Variants in RRP12 observed in about 807,000 individuals in gnomAD.
RRP12 encodes RRP12-like protein.
In RRP12, 78 loss-of-function variants were observed where a neutral mutation model predicts 157.3. That is an observed-to-expected ratio of 0.50 (90% CI 0.41 to 0.60). The LOEUF is 0.60. Ranked by LOEUF, RRP12 falls within the 20% of genes least tolerant of loss-of-function variation. The pLI, the probability that RRP12 is intolerant of heterozygous loss-of-function variation, is 0.00. For missense variants in RRP12, 1,521 were observed against 1,679.9 expected (o/e 0.91, Z 1.65); for synonymous variants, 726 against 670.9 (o/e 1.08, Z -1.27).
At chr10:97,378,233 G>A (rs139339964) in intron 15 of RRP12, among the ~76,000 whole-genome samples, 2 of 152,286 alleles carry the variant, frequency 1.3e-5, no homozygotes, top group East Asian at 3.9e-4. Flanking sequence ...GTCATGCATC[G>A]CTTGACAGGG....
chr10:97,400,973 T>C, intron 1 of RRP12, 120 bp downstream of exon 1: 1 of 1,258,470 alleles, frequency 7.9e-7, no homozygotes, highest in South Asian at 1.5e-5. Flanking sequence ...AGATCCGACA[T>C]CCTAAGAGAC....
At chr10:97,379,485 G>T (rs1275119813) in intron 14 of RRP12, 71 bp from the exon 15 acceptor site, 4 of 1,602,938 alleles carry the variant, frequency 2.5e-6, no homozygotes, top group Non-Finnish European at 3.4e-6. Flanking sequence ...AGCATACTGA[G>T]CCCAGGACAG....
chr10:97,379,788 G>A lies in RRP12; in HGVS notation c.1534-18C>T. 6.3e-7 allele frequency: 1 copy of A among 1,591,988 alleles called. No individual in the cohort carries two copies. Among genetic ancestry groups the A allele is most frequent in the South Asian group, 1.1e-5 (1 of 88,510 alleles). On this transcript the variant is annotated intron_variant, in intron 13 of 33. Transcript: ENST00000370992. ...TGGAGGCACTGCAGCAGAGATGAGT[G>A]ACCACACATCAAGACATGCTCGAAA...
At chr10:97,362,365 C>G (rs540342152) in intron 30 of RRP12, among the ~76,000 whole-genome samples, 1 of 152,070 alleles carries the variant, frequency 6.6e-6, no homozygotes, top group Admixed American at 6.6e-5. Flanking sequence ...CTTAAGGAAC[C>G]CAGGAGGCTT....
Position 97,385,256 on chromosome 10 carries a change from GCCT to G in RRP12, c.1117-2_1117del. ...CTCACTGGGAACATAGTCGTACAGG[GCCT>G]AAAAGTGGGAATAAGCAGGTGACTG... On this transcript the variant is annotated splice_acceptor_variant and coding_sequence_variant, in exon 10 of 34. Coordinates refer to ENST00000370992, the MANE Select transcript of RRP12 (RefSeq NM_015179.4). LOFTEE classifies it high-confidence loss of function. The G allele has an allele frequency of 6.2e-7, 1 of 1,612,994 alleles. No individual in the cohort carries two copies. The highest frequency in any genetic ancestry group is 8.5e-7 in the Non-Finnish European group (1 of 1,179,054).
intron 29 of RRP12, among the ~76,000 whole-genome samples, chr10:97,364,484 C>G (rs747884869): frequency 3.3e-5 from 5 of 152,126 alleles, no homozygotes; most frequent in African/African-American, 1.2e-4. Context: ...TCTGGGAGGC[C>G]GAGGAGGGAG....
chr10:97,393,494 T>G, intron 4 of RRP12, 190 bp downstream of exon 4: 1 of 688,226 alleles, frequency 1.5e-6, no homozygotes, highest in Non-Finnish European at 2.7e-6. Context: ...CAGCCTAGTT[T>G]AGTTAGAGTT....
At chr10:97,361,472 C>T (rs1230599006) in intron 30 of RRP12, among the ~76,000 whole-genome samples, 1 of 152,202 alleles carries the variant, frequency 6.6e-6, no homozygotes, top group Non-Finnish European at 1.5e-5. Context: ...CTAGAAACTG[C>T]AGATTCCCAG....
intron 9 of RRP12, among the ~76,000 whole-genome samples, 199 bp from the exon 10 acceptor site, chr10:97,385,456 A>G: frequency 6.6e-6 from 1 of 151,902 alleles, no homozygotes; most frequent in Non-Finnish European, 1.5e-5. Flanking sequence ...TTGGGAGAAC[A>G]GCCTCTAGGA....
rs1447318377 is a variant in RRP12 at position 97,373,058 on chromosome 10, G to A, written c.2169C>T (p.Ile723=). ...TTCCGTGGCTCACCTGAGTGTCAGTGATGGTGAGGTAAGTTCTGATGGTTT... is the reference window on the plus strand; with the variant it reads ...TTCCGTGGCTCACCTGAGTGTCAGTAATGGTGAGGTAAGTTCTGATGGTTT... ...VLETIRTYLT[I]TDTQLVNSLL... is the part of the protein sequence containing the mutation. Residue 723 remains isoleucine, a synonymous_variant, in exon 18 of 34, where the codon ATC becomes ATT. Coordinates refer to ENST00000370992, the MANE Select transcript of RRP12 (RefSeq NM_015179.4). 6.2e-7 allele frequency: 1 copy of A among 1,612,626 alleles called. No homozygotes were observed. The highest frequency in any genetic ancestry group is 1.3e-5 in the African/African-American group (1 of 75,038).
chr10:97,380,960 GC>G, intron 12 of RRP12, 47 bp from the exon 13 acceptor site: 6 of 1,456,782 alleles, frequency 4.1e-6, no homozygotes, highest in Non-Finnish European at 2.9e-6. Context: ...ACCACCCTGT[GC>G]CCCCCACCAG....
chr10:97,385,580 CT>C (rs1844608844), intron 9 of RRP12, among the ~76,000 whole-genome samples: 1 of 152,136 alleles, frequency 6.6e-6, no homozygotes, highest in Non-Finnish European at 1.5e-5. Context: ...CTGATCCCCC[CT>C]CCCAATATCC....
At chr10:97,388,218 T>C (rs869967) in intron 8 of RRP12, 34 bp downstream of exon 8, 543,879 of 1,611,552 alleles carry the variant, frequency 0.34, 93,831 homozygotes, top group African/African-American at 0.51. Flanking sequence ...CCACTGCAGG[T>C]CCCCCTTTCT....
chr10:97,393,833 C>G, intron 3 of RRP12, 73 bp from the exon 4 acceptor site: 1 of 1,249,886 alleles, frequency 8.0e-7, no homozygotes. Flanking sequence ...AGTGGGGGAA[C>G]ATGTGCCCAG....
chr10:97,385,384 C>G (rs1373797176), intron 9 of RRP12, 127 bp from the exon 10 acceptor site: 1 of 724,728 alleles, frequency 1.4e-6, no homozygotes, highest in Non-Finnish European at 2.3e-6. Flanking sequence ...CACTCACAGC[C>G]CCCTTGGCTT....
At chr10:97,397,014 C>T (rs1479448032) in intron 2 of RRP12, among the ~76,000 whole-genome samples, 1 of 152,170 alleles carries the variant, frequency 6.6e-6, no homozygotes, top group Non-Finnish European at 1.5e-5. Flanking sequence ...ATCTGCCCTC[C>T]TTAGCCTCCC....
intron 13 of RRP12, among the ~76,000 whole-genome samples, chr10:97,380,420 G>A (rs7074511): frequency 0.38 from 58,090 of 152,048 alleles, 11,572 homozygotes; most frequent in African/African-American, 0.5. Flanking sequence ...GGTTAACCCT[G>A]GACTGGAGGA....
chr10:97,392,053 G>A (rs572297463), intron 4 of RRP12, among the ~76,000 whole-genome samples: 1 of 151,436 alleles, frequency 6.6e-6, no homozygotes, highest in African/African-American at 2.4e-5. Flanking sequence ...ACCCAAGCTG[G>A]AGTGTAGTGG....
At chr10:97,368,965 A>G (rs1358318900) in intron 25 of RRP12, among the ~76,000 whole-genome samples, 1 of 152,182 alleles carries the variant, frequency 6.6e-6, no homozygotes, top group Non-Finnish European at 1.5e-5. Context: ...CAGGGACCCT[A>G]TACCAAGGGG....
Sources: allele counts gnomAD v4.1 joint callset (sites outside exome capture counted in the v4.1 genomes callset), GRCh38; gene constraint gnomAD v4.1.1; transcripts MANE v1.5; gene names NCBI Gene and HGNC (gene_info 2026-07-23, HGNC 2026-07-21).